CCDC171: variants seen among roughly 807,000 people sequenced by gnomAD.
CCDC171 encodes the protein coiled-coil domain containing 171, also known as coiled-coil domain-containing protein 171.
Under a neutral mutation model 168.2 loss-of-function variants are expected in CCDC171, and 177 were observed. The observed-to-expected ratio is 1.05, with a 90% CI of 0.93 to 1.19. CCDC171 has a LOEUF of 1.19. Ranked by LOEUF, CCDC171 falls within the 50% of genes most tolerant of loss-of-function variation. The pLI is 0.00. For synonymous variants in CCDC171, 687 were observed against 540.8 expected (o/e 1.27, Z -3.75); for missense variants, 1,991 against 1,539.0 (o/e 1.29, Z -4.91).
chr9:15,882,195 G>T (rs1468070451), intron 24 of CCDC171, among the ~76,000 whole-genome samples: 4 of 152,172 alleles, frequency 2.6e-5, no homozygotes, highest in Non-Finnish European at 5.9e-5. Context: ...AGTTAATGAT[G>T]TTGAGTATTC....
chr9:15,920,855 C>A (rs986795280), intron 25 of CCDC171, among the ~76,000 whole-genome samples: 1 of 151,478 alleles, frequency 6.6e-6, no homozygotes, highest in East Asian at 1.9e-4. Flanking sequence ...ACATGCCTAG[C>A]TAAAGATGCA....
At chr9:15,699,248 G>T (rs2051479355) in intron 11 of CCDC171, among the ~76,000 whole-genome samples, 1 of 152,068 alleles carries the variant, frequency 6.6e-6, no homozygotes, top group African/African-American at 2.4e-5. Flanking sequence ...GGCGCGTCTG[G>T]AGTTGTTCGT....
chr9:15,603,922 T>C (rs1426141798), intron 6 of CCDC171, among the ~76,000 whole-genome samples: 1 of 152,228 alleles, frequency 6.6e-6, no homozygotes, highest in African/African-American at 2.4e-5. Context: ...CTGTTGTTTC[T>C]TGGCTTTTTA....
chr9:15,826,271 A>G (rs780033364), intron 21 of CCDC171, among the ~76,000 whole-genome samples: 1 of 151,884 alleles, frequency 6.6e-6, no homozygotes, highest in African/African-American at 2.4e-5. Context: ...AGTTCTCTGA[A>G]TTCTCTTTCG....
rs1273494974 is a variant in CCDC171 at position 15,874,552 on chromosome 9, G to A, written c.3489G>A (p.Leu1163=). 2.5e-6 allele frequency: 4 copies of A among 1,605,616 alleles called. No individual in the cohort carries two copies. The highest frequency in any genetic ancestry group is 1.3e-5 in the African/African-American group (1 of 74,318). Residue 1163 remains leucine, a synonymous_variant, in exon 24 of 26, where the codon CTG becomes CTA. Transcript: ENST00000380701. ...TTTAGGTCAGAGATCAGATCTCGCT[G>A]TCATGGTCTGCGGCAAGTAGGAATG... ...TLHKVRDQIS[L]SWSAASRNDF... is the part of the protein sequence containing the mutation.
chr9:15,952,380 T>C (rs62546567), intron 25 of CCDC171, among the ~76,000 whole-genome samples: 2,387 of 152,218 alleles, frequency 0.016, 27 homozygotes, highest in South Asian at 0.035. Context: ...TGAGATTATA[T>C]ATGAGTTTTA....
At chr9:15,618,601 A>G (rs919635625) in intron 6 of CCDC171, among the ~76,000 whole-genome samples, 4 of 152,146 alleles carry the variant, frequency 2.6e-5, no homozygotes, top group African/African-American at 9.7e-5. Context: ...TGTCTGCCCA[A>G]ACAGCCGCCC....
At chr9:15,672,722 G>A (rs565102438) in intron 9 of CCDC171, among the ~76,000 whole-genome samples, 1 of 152,098 alleles carries the variant, frequency 6.6e-6, no homozygotes, top group Non-Finnish European at 1.5e-5. Flanking sequence ...ATCTGTTTTG[G>A]TACCAGTACC....
At chr9:15,931,456 C>CTTTTTT (rs57124025) in intron 25 of CCDC171, among the ~76,000 whole-genome samples, 149 of 44,936 alleles carry the variant, frequency 3.3e-3, no homozygotes, top group Middle Eastern at 0.023. Flanking sequence ...TTCTTTCTTT[C>CTTTTTT]TTTTTTTTTT....
At chr9:16,068,490 C>T in the CCDC171 span, among the ~76,000 whole-genome samples, 2 of 152,214 alleles carry the variant, frequency 1.3e-5, no homozygotes, top group African/African-American at 4.8e-5. Flanking sequence ...TGCTTGCTCT[C>T]TTCAGTATAC....
chr9:15,756,340 T>C (rs1317519057), intron 18 of CCDC171, among the ~76,000 whole-genome samples: 4 of 152,190 alleles, frequency 2.6e-5, no homozygotes, highest in Non-Finnish European at 5.9e-5. Flanking sequence ...TATTTTTCTA[T>C]CAGCTCACAC....
At chr9:16,083,743 C>T in the CCDC171 span, among the ~76,000 whole-genome samples, 1 of 152,116 alleles carries the variant, frequency 6.6e-6, no homozygotes, top group East Asian at 1.9e-4. Context: ...GTGGTGTTAG[C>T]TCCCCTAATG....
At chr9:15,833,409 A>T (rs1019932154) in intron 21 of CCDC171, among the ~76,000 whole-genome samples, 1 of 152,116 alleles carries the variant, frequency 6.6e-6, no homozygotes, top group African/African-American at 2.4e-5. Flanking sequence ...ATATATGTAA[A>T]CTATTTGGAA....
intron 6 of CCDC171, among the ~76,000 whole-genome samples, chr9:15,608,720 G>C (rs1587377874): frequency 2.0e-5 from 3 of 151,400 alleles, no homozygotes; most frequent in South Asian, 2.1e-4. Flanking sequence ...AGGAGTCTGA[G>C]GTGGGAGAAT....
At chr9:15,910,171 TGCAC>T (rs769632065) in intron 24 of CCDC171, among the ~76,000 whole-genome samples, 4 of 53,774 alleles carry the variant, frequency 7.4e-5, no homozygotes, top group African/African-American at 1.2e-4. Flanking sequence ...GGTATATATG[TGCAC>T]ACACACACAC....
intron 18 of CCDC171, among the ~76,000 whole-genome samples, chr9:15,774,171 A>C (rs2057168709): frequency 6.8e-6 from 1 of 147,424 alleles, no homozygotes; most frequent in Admixed American, 7.0e-5. Context: ...ACTTGAACCC[A>C]GGTGGCATAG....
intron 6 of CCDC171, among the ~76,000 whole-genome samples, chr9:16,026,702 G>A (rs1406783629): frequency 2.0e-5 from 3 of 152,124 alleles, no homozygotes; most frequent in Non-Finnish European, 2.9e-5. Context: ...ACAGTTAAGG[G>A]GTTACTGGTA....
chr9:15,711,708 A>G (rs1162164416), intron 11 of CCDC171, among the ~76,000 whole-genome samples: 1 of 152,242 alleles, frequency 6.6e-6, no homozygotes, highest in Non-Finnish European at 1.5e-5. Context: ...AAGGTCAGAT[A>G]AACCCATTGT....
intron 23 of CCDC171, among the ~76,000 whole-genome samples, chr9:15,873,732 T>C (rs1163066954): frequency 6.6e-6 from 1 of 152,114 alleles, no homozygotes; most frequent in African/African-American, 2.4e-5. Flanking sequence ...TCCATTTATA[T>C]TATATAAGGA....
Sources: gnomAD v4.1 joint callset for allele counts (sites outside exome capture counted in the v4.1 genomes callset) on GRCh38, gnomAD v4.1.1 for gene constraint, MANE v1.5 for transcripts, NCBI Gene and HGNC (gene_info 2026-07-23, HGNC 2026-07-21) for gene names.